Variants in METTL15 observed in about 807,000 individuals in gnomAD.
METTL15 encodes the protein methyltransferase 15, mitochondrial 12S rRNA N4-cytidine, also known as 12S rRNA N(4)-cytidine methyltransferase METTL15.
METTL15 carries 34 observed loss-of-function variants against 38.3 expected under a neutral mutation model. The observed-to-expected ratio is 0.89, with a 90% confidence interval of 0.68 to 1.18. METTL15 has a LOEUF of 1.18. Among genes scored for constraint, METTL15 ranks in the 50% most tolerant of loss-of-function variants. The probability of loss-of-function intolerance (pLI) is 0.00; values close to 1 mark genes in which losing one functional copy is unlikely to be tolerated. For missense variants in METTL15, 438 were observed against 498.4 expected, an observed-to-expected ratio of 0.88 and a Z score of 1.15; for synonymous variants, 162 against 170.9, an observed-to-expected ratio of 0.95 and a Z score of 0.41.
intron 6 of METTL15, among the ~76,000 whole-genome samples, chr11:28,441,648 T>C (rs1851035782): frequency 6.6e-6 from 1 of 152,162 alleles, no homozygotes; most frequent in Non-Finnish European, 1.5e-5. Context: ...CAACAATAGA[T>C]TTTCATCTGG....
chr11:28,337,940 A>T (rs1392504682), downstream of METTL15, among the ~76,000 whole-genome samples: 1 of 152,082 alleles, frequency 6.6e-6, no homozygotes, highest in Admixed American at 6.6e-5. Flanking sequence ...CCTTTTACAG[A>T]CCCAGAAATA....
rs200844076 is a variant in METTL15, at chr11:28,378,761, G to T, written c.*358+16725G>T. On this transcript the variant is annotated intron_variant and NMD_transcript_variant, in intron 5 of 7. Transcript: ENST00000532947. ...GGTTTGAAGTATTCCCTCCTCTTCAGTTTTTTTTTTTTTTTTTTGAAGATT... is the reference window on the plus strand; with the variant it reads ...GGTTTGAAGTATTCCCTCCTCTTCATTTTTTTTTTTTTTTTTTTGAAGATT... Among the ~76,000 whole-genome samples, 1,127 of 123,904 alleles carry T rather than the reference G, an allele frequency of 9.1e-3. 17 individuals are homozygous for T. The highest frequency in any genetic ancestry group is 0.032 in the African/African-American group (1,028 of 31,780). The allele number at this position is 123,904 out of a possible 152,430, so 81.3% of individuals were successfully genotyped here. A position where few individuals can be genotyped will look rare whatever the true frequency, so the allele number is the denominator to read the frequency against.
At chr11:28,435,831 A>G (rs991389979) in intron 6 of METTL15, among the ~76,000 whole-genome samples, 1 of 152,204 alleles carries the variant, frequency 6.6e-6, no homozygotes, top group Non-Finnish European at 1.5e-5. Flanking sequence ...CGGATCTTCA[A>G]AAAGGGTCTT....
chr11:28,430,373 G>A (rs1478263684), intron 6 of METTL15, among the ~76,000 whole-genome samples: 1 of 73,796 alleles, frequency 1.4e-5, no homozygotes, highest in Non-Finnish European at 3.1e-5. Context: ...GGGAGGAGGT[G>A]GGGGGGTCAG....
intron 5 of METTL15, among the ~76,000 whole-genome samples, chr11:28,371,152 T>C (rs1477646954): frequency 6.6e-6 from 1 of 152,042 alleles, no homozygotes; most frequent in Admixed American, 6.6e-5. Flanking sequence ...GTTTCCCCAA[T>C]GTTTTCTTCT....
At position 28,108,422 on chromosome 11, in the gene METTL15, G is replaced by A. The variant is rs1298223382; in HGVS notation, c.-284G>A. On this transcript the variant is annotated 5_prime_UTR_variant, in exon 1 of 7. Transcript: ENST00000407364. The stretch of plus-strand genomic sequence containing the variant: ...AGATCACCAGGCCTCCTGTAGACCG[G>A]CGGGTGCAGGGCCCGGTCCCAGAGT... 6.6e-6 allele frequency: 1 copy of A among 152,490 alleles called. No individual in the cohort carries two copies. Among genetic ancestry groups the A allele is most frequent in the Non-Finnish European group, 1.5e-5 (1 of 68,254 alleles). 9.4% of individuals were successfully genotyped at this position (152,490 alleles called of 1,614,324 possible). A position where few individuals can be genotyped will look rare whatever the true frequency, so the allele number is the denominator to read the frequency against.
chr11:28,425,635 T>C (rs1465230415), intron 6 of METTL15, among the ~76,000 whole-genome samples: 1 of 152,170 alleles, frequency 6.6e-6, no homozygotes, highest in Non-Finnish European at 1.5e-5. Context: ...CCGTACTAAG[T>C]GCTCTCATAG....
rs137990836 is a variant in METTL15 at position 28,301,845 on chromosome 11, A to T, written c.778+4914A>T. ...ACTTTTGTACTAATTACTGTATCAT[A>T]GCATTTAGCCTAATGTTTGACACCT... On this transcript the variant is annotated intron_variant, in intron 6 of 6. Transcript: ENST00000407364. Among the ~76,000 whole-genome samples the T allele has an allele frequency of 2.0e-5, 3 of 152,276 alleles. 1 individual carries two copies. The highest frequency in any genetic ancestry group is 7.2e-5 in the African/African-American group (3 of 41,576).
At position 28,410,278 on chromosome 11, in the gene METTL15, C is replaced by A. The variant is rs760949673; in HGVS notation, c.*359-14021C>A. On this transcript the variant is annotated intron_variant and NMD_transcript_variant, in intron 5 of 7. Transcript: ENST00000532947. ...TACTTCTAAACACATTTTGACGAGGCCAGCATCACCTTGATACCTAAGCTA... is the reference window on the plus strand; with the variant it reads ...TACTTCTAAACACATTTTGACGAGGACAGCATCACCTTGATACCTAAGCTA... Among the ~76,000 whole-genome samples, 7 of 152,174 alleles carry A rather than the reference C, an allele frequency of 4.6e-5. No individual in the cohort carries two copies. In the South Asian group the frequency reaches 1.2e-3, roughly 27 times the overall value.
intron 5 of METTL15, among the ~76,000 whole-genome samples, chr11:28,363,196 CAG>C (rs2133369485): frequency 1.3e-5 from 2 of 151,758 alleles, no homozygotes; most frequent in East Asian, 3.9e-4. Context: ...TTTTTTGAGA[CAG>C]AGCCTCACCC....
chr11:28,234,299 T>C (rs1268136821), intron 4 of METTL15, among the ~76,000 whole-genome samples: 1 of 151,936 alleles, frequency 6.6e-6, no homozygotes, highest in Non-Finnish European at 1.5e-5. Flanking sequence ...GCATGATTTA[T>C]AGTCCTTTGG....
intron 6 of METTL15, among the ~76,000 whole-genome samples, chr11:28,317,266 A>G (rs571996367): frequency 6.6e-6 from 1 of 152,274 alleles, no homozygotes; most frequent in African/African-American, 2.4e-5. Flanking sequence ...GAGTAAAGCC[A>G]ATTTTCTCCA....
chr11:28,115,941 C>CAT, intron 3 of METTL15, among the ~76,000 whole-genome samples: 1 of 150,680 alleles, frequency 6.6e-6, no homozygotes, highest in Non-Finnish European at 1.5e-5. Context: ...CACATACACA[C>CAT]ACACACACAC....
intron 2 of METTL15, among the ~76,000 whole-genome samples, chr11:28,111,965 C>T (rs564725300): frequency 6.6e-6 from 1 of 152,090 alleles, no homozygotes; most frequent in Admixed American, 6.5e-5. Flanking sequence ...CATTCCCCCC[C>T]CCACCGACAT....
intron 6 of METTL15, among the ~76,000 whole-genome samples, chr11:28,490,888 A>G (rs1851489045): frequency 1.3e-5 from 2 of 152,140 alleles, no homozygotes; most frequent in African/African-American, 4.8e-5. Flanking sequence ...GCATTGTATA[A>G]AGATAGAGAC....
rs533404076 is a variant in METTL15, at chr11:28,298,106, G to A, written c.778+1175G>A. ...TTGAGATTTCTTTAGGCAAGTTTAA[G>A]AGCAGAATTCTTGTGGTTATATGAA... On this transcript the variant is annotated intron_variant, in intron 6 of 6. Coordinates refer to ENST00000407364, the MANE Select transcript of METTL15 (RefSeq NM_001113528.2). Among the ~76,000 whole-genome samples the A allele has an allele frequency of 1.2e-4, 19 of 152,106 alleles. No homozygotes were observed. In the South Asian group the frequency reaches 3.9e-3, roughly 32 times the overall value.
chr11:28,193,756 T>A (rs1372356173), intron 3 of METTL15, among the ~76,000 whole-genome samples: 1 of 152,126 alleles, frequency 6.6e-6, no homozygotes, highest in South Asian at 2.1e-4. Flanking sequence ...ATATAAAAAA[T>A]TGCTATAACT....
chr11:28,151,063 C>T (rs1850072008), intron 3 of METTL15, among the ~76,000 whole-genome samples: 3 of 149,152 alleles, frequency 2.0e-5, no homozygotes, highest in Admixed American at 1.3e-4. Context: ...GTTTTCCGTG[C>T]TTTTTGTGAT....
At chr11:28,324,944 T>C (rs901666160) in intron 6 of METTL15, among the ~76,000 whole-genome samples, 5 of 152,214 alleles carry the variant, frequency 3.3e-5, no homozygotes, top group African/African-American at 1.2e-4. Flanking sequence ...TTTCAGCTGT[T>C]TGCTCCTGCC....
Sources: gnomAD v4.1 joint callset for allele counts (sites outside exome capture counted in the v4.1 genomes callset) on GRCh38, gnomAD v4.1.1 for gene constraint, MANE v1.5 for transcripts, NCBI Gene and HGNC (gene_info 2026-07-23, HGNC 2026-07-21) for gene names.